The following KIF3A variants were observed in gnomAD, a reference collection of about 807,000 sequenced individuals.
KIF3A encodes kinesin family member 3A.
Under a neutral mutation model 92.6 loss-of-function variants are expected in KIF3A, and 27 were observed. The ratio of observed to expected loss-of-function variants is 0.29; its 90% CI spans 0.21 to 0.40. The LOEUF is 0.40. Among genes scored for constraint, KIF3A ranks in the 10% least tolerant of loss-of-function variants. The pLI is 1.00. For missense variants in KIF3A, 581 were observed against 872.6 expected (o/e 0.67, Z 4.21); for synonymous variants, 250 against 275.4 (o/e 0.91, Z 0.92).
At chr5:132,727,177 A>C (rs547453293) in intron 2 of KIF3A, among the ~76,000 whole-genome samples, 1 of 152,378 alleles carries the variant, frequency 6.6e-6, no homozygotes, top group African/African-American at 2.4e-5. Context: ...AACTAAAGAT[A>C]AAATCTCAAC....
At chr5:132,689,366 T>C (rs1443982231), downstream of KIF3A, among the ~76,000 whole-genome samples, 1 of 152,112 alleles carries the variant, frequency 6.6e-6, no homozygotes, top group Non-Finnish European at 1.5e-5. Flanking sequence ...TTCAAAGTGA[T>C]TTATTGGAAA....
intron 4 of KIF3A, among the ~76,000 whole-genome samples, chr5:132,724,617 A>G (rs533796582): frequency 1.3e-5 from 2 of 151,334 alleles, no homozygotes; most frequent in South Asian, 2.1e-4. Context: ...CACAGGAAGG[A>G]GAACATCACA....
In KIF3A at chr5:132,711,209, A is replaced by G. The variant is rs995105270; in HGVS notation, c.1130-152T>C. On this transcript the variant is annotated intron_variant, in intron 8 of 18. Transcript: ENST00000403231. ...AATGCTCCTAGAAAGTATAACAGAT[A>G]TGCCAATCTCAGACACAGATGAGAT... The G allele has an allele frequency of 1.4e-5, 9 of 662,664 alleles. No homozygotes were observed. In the East Asian group the frequency reaches 2.1e-4, roughly 16 times the overall value. 41.0% of individuals were successfully genotyped at this position (662,664 alleles called of 1,614,324 possible).
chr5:132,693,290 A>G lies in KIF3A; in HGVS notation c.*3344T>C, dbSNP rs1195493503. The G allele has an allele frequency of 3.3e-5, 5 of 152,364 alleles. No individual in the cohort carries two copies. Among genetic ancestry groups the G allele is most frequent in the African/African-American group, 1.2e-4 (5 of 41,446 alleles). 9.4% of individuals were successfully genotyped at this position (152,364 alleles called of 1,614,324 possible). On this transcript the variant is annotated 3_prime_UTR_variant, in exon 19 of 19. Coordinates refer to ENST00000403231, the MANE Select transcript of KIF3A (RefSeq NM_001300791.2). ...CCCTTGATTACTCATCTCATGCTTT[A>G]TAAGAATCTAAACACAAATAGGAAA...
At chr5:132,730,407 CA>C (rs1754186517) in intron 2 of KIF3A, among the ~76,000 whole-genome samples, 1 of 149,056 alleles carries the variant, frequency 6.7e-6, no homozygotes, top group Non-Finnish European at 1.5e-5. Context: ...GCAGAGGAGA[CA>C]GTGAGCCGAG....
chr5:132,717,344 AG>A (rs1217700977), intron 5 of KIF3A, among the ~76,000 whole-genome samples: 1 of 152,166 alleles, frequency 6.6e-6, no homozygotes, highest in East Asian at 1.9e-4. Context: ...TACTGCAGGA[AG>A]TAAAAAACAA....
chr5:132,709,796 C>T (rs1468106984), intron 9 of KIF3A, among the ~76,000 whole-genome samples: 2 of 152,150 alleles, frequency 1.3e-5, no homozygotes, highest in Non-Finnish European at 2.9e-5. Flanking sequence ...ATGAGCATGG[C>T]TGTTTTAATA....
intron 17 of KIF3A, 96 bp downstream of exon 17, chr5:132,700,120 G>C: frequency 1.4e-6 from 1 of 714,114 alleles, no homozygotes; most frequent in Non-Finnish European, 2.3e-6. Context: ...CTGATTAACA[G>C]ATATCAAGTT....
intron 10 of KIF3A, among the ~76,000 whole-genome samples, chr5:132,708,473 T>A (rs1210564126): frequency 6.6e-6 from 1 of 152,174 alleles, no homozygotes; most frequent in South Asian, 2.1e-4. Context: ...GTGTAAAAAA[T>A]TTGTAATTGT....
intron 5 of KIF3A, among the ~76,000 whole-genome samples, chr5:132,717,265 CA>C (rs1157817029): frequency 6.6e-6 from 1 of 151,862 alleles, no homozygotes; most frequent in Non-Finnish European, 1.5e-5. Context: ...TAATTTACAC[CA>C]AAAAACCACA....
At position 132,711,978 on chromosome 5, in the gene KIF3A, C is replaced by T. The variant is rs547569908; in HGVS notation, c.1130-921G>A. Among the ~76,000 whole-genome samples the T allele has an allele frequency of 2.0e-5, 3 of 152,222 alleles. No homozygotes were observed. In the East Asian group the frequency reaches 5.8e-4, roughly 29 times the overall value. The stretch of plus-strand genomic sequence containing the variant: ...AGCTATTTTTAAATGCCACTGTTTA[C>T]ATATGAAATGTCTAACAAAATAAAA... On this transcript the variant is annotated intron_variant, in intron 8 of 18. Coordinates refer to ENST00000403231, the MANE Select transcript of KIF3A (RefSeq NM_001300791.2).
At chr5:132,709,059 A>C in intron 9 of KIF3A, 81 bp from the exon 10 acceptor site, 1 of 1,123,626 alleles carries the variant, frequency 8.9e-7, no homozygotes. Context: ...AGAAAAATTC[A>C]GTTTTCAGAG....
chr5:132,708,050 G>A (rs1032756334), intron 10 of KIF3A, among the ~76,000 whole-genome samples: 4 of 152,026 alleles, frequency 2.6e-5, no homozygotes, highest in East Asian at 1.9e-4. Context: ...TTGGGAGGCC[G>A]AGGCGGGCAG....
intron 17 of KIF3A, among the ~76,000 whole-genome samples, chr5:132,699,976 A>G (rs976303054): frequency 6.6e-6 from 1 of 152,146 alleles, no homozygotes; most frequent in African/African-American, 2.4e-5. Context: ...AGAGGACTCC[A>G]AAGAGTGAGT....
intron 11 of KIF3A, among the ~76,000 whole-genome samples, chr5:132,703,982 T>C (rs984578363): frequency 6.6e-6 from 1 of 151,758 alleles, no homozygotes; most frequent in African/African-American, 2.4e-5. Flanking sequence ...AGCAACATGA[T>C]TCTTCAGTTA....
chr5:132,737,354 GC>G, intron 1 of KIF3A, 59 bp downstream of exon 1: 1 of 1,559,342 alleles, frequency 6.4e-7, no homozygotes, highest in Non-Finnish European at 8.7e-7. Flanking sequence ...CAACGGCCGC[GC>G]CCCCGGGCCA....
At chr5:132,722,870 T>C (rs1753871990) in intron 4 of KIF3A, among the ~76,000 whole-genome samples, 1 of 152,228 alleles carries the variant, frequency 6.6e-6, no homozygotes, top group South Asian at 2.1e-4. Context: ...ACAATTTTGA[T>C]GATTCTATAT....
chr5:132,700,830 T>G, intron 15 of KIF3A, 130 bp from the exon 16 acceptor site: 2 of 529,498 alleles, frequency 3.8e-6, no homozygotes, highest in South Asian at 3.5e-5. Context: ...ATATAACCTT[T>G]TTATAAATTC....
intron 15 of KIF3A, among the ~76,000 whole-genome samples, chr5:132,700,964 A>G (rs1753015960): frequency 6.6e-6 from 1 of 152,206 alleles, no homozygotes; most frequent in Non-Finnish European, 1.5e-5. Context: ...AGGCAAAGGA[A>G]TGAAATAAGG....
Sources: gnomAD v4.1 joint callset for allele counts (sites outside exome capture counted in the v4.1 genomes callset) on GRCh38, gnomAD v4.1.1 for gene constraint, MANE v1.5 for transcripts, NCBI Gene and HGNC (gene_info 2026-07-23, HGNC 2026-07-21) for gene names.